The following GPC5 variants were observed in gnomAD, a reference collection of about 807,000 sequenced individuals.
The protein encoded by GPC5 is glypican-5.
In GPC5, 47 loss-of-function variants were observed where a neutral mutation model predicts 53.9. That is an observed-to-expected ratio of 0.87 (90% CI 0.69 to 1.11). GPC5 has a LOEUF of 1.11. Ranked by LOEUF, GPC5 falls within the 50% of genes most tolerant of loss-of-function variation. The pLI is 0.00. For missense variants in GPC5, 748 were observed against 713.1 expected (o/e 1.05, Z -0.56); for synonymous variants, 286 against 263.3 (o/e 1.09, Z -0.84).
intron 1 of GPC5, among the ~76,000 whole-genome samples, chr13:91,432,203 C>CTGGTG (rs1555306318): frequency 2.9e-5 from 4 of 136,452 alleles, no homozygotes; most frequent in African/African-American, 1.1e-4. Context: ...GCTGCTGCTG[C>CTGGTG]TGTGTGTGTG....
chr13:91,786,048 G>A (rs2037873329), intron 5 of GPC5, among the ~76,000 whole-genome samples: 1 of 152,150 alleles, frequency 6.6e-6, no homozygotes. Flanking sequence ...CCAGGCTGGA[G>A]TGTAGTGGCA....
At chr13:92,311,902 G>C (rs548978794) in intron 7 of GPC5, among the ~76,000 whole-genome samples, 25 of 152,266 alleles carry the variant, frequency 1.6e-4, no homozygotes, top group African/African-American at 5.5e-4. Flanking sequence ...GGTGAGCAAA[G>C]GGTGAGGCAA....
rs777802113 is a variant in GPC5, at chr13:92,144,866, G to A, written c.1438G>A (p.Glu480Lys). 9 of 1,612,044 alleles carry A rather than the reference G, an allele frequency of 5.6e-6. No individual in the cohort carries two copies. In the South Asian group the frequency reaches 9.9e-5, roughly 18 times the overall value. ...QGRSPKPDKWELLQLGSGGGM... is the reference protein window; with the variant it reads ...QGRSPKPDKWKLLQLGSGGGM... ...TAGATCACCCAAACCTGACAAGTGG[G>A]AACTTCTTCAGCTGGGCAGTGGTGG... Residue 480 changes from glutamate to lysine, a missense_variant, in exon 7 of 8, where the codon GAA becomes AAA. Coordinates refer to ENST00000377067, the MANE Select transcript of GPC5 (RefSeq NM_004466.6).
At chr13:91,432,215 GT>G (rs1566390268) in intron 1 of GPC5, among the ~76,000 whole-genome samples, 8 of 127,464 alleles carry the variant, frequency 6.3e-5, no homozygotes, top group African/African-American at 3.1e-4. Flanking sequence ...GTGTGTGTGT[GT>G]GTGTGTGTGT....
chr13:91,500,328 C>T (rs1007600535), intron 2 of GPC5, among the ~76,000 whole-genome samples: 1 of 152,198 alleles, frequency 6.6e-6, no homozygotes, highest in Admixed American at 6.6e-5. Flanking sequence ...AGAGAAGTCT[C>T]TTTTTCCAGG....
intron 7 of GPC5, among the ~76,000 whole-genome samples, chr13:92,256,418 T>C (rs2042726862): frequency 6.6e-6 from 1 of 152,054 alleles, no homozygotes; most frequent in Admixed American, 6.6e-5. Context: ...TCAAAGGAAT[T>C]TGTGTTTTGA....
intron 7 of GPC5, among the ~76,000 whole-genome samples, chr13:92,591,304 G>A (rs1408892358): frequency 5.3e-5 from 8 of 151,974 alleles, no homozygotes; most frequent in South Asian, 2.1e-4. Context: ...GATGTGTGTC[G>A]CTATTAGGGA....
chr13:92,326,375 A>C (rs2139229808), intron 7 of GPC5, among the ~76,000 whole-genome samples: 1 of 152,208 alleles, frequency 6.6e-6, no homozygotes, highest in East Asian at 1.9e-4. Flanking sequence ...GAATTTTAAA[A>C]ATTTATTGAA....
At chr13:92,709,195 C>T (rs1438658689) in intron 7 of GPC5, among the ~76,000 whole-genome samples, 2 of 151,180 alleles carry the variant, frequency 1.3e-5, no homozygotes, top group African/African-American at 4.9e-5. Flanking sequence ...TATAGGTGTG[C>T]GCAACCACGC....
At chr13:92,287,145 G>A (rs74447117) in intron 7 of GPC5, among the ~76,000 whole-genome samples, 3,030 of 152,150 alleles carry the variant, frequency 0.02, 34 homozygotes, top group Non-Finnish European at 0.033. Context: ...GTTTAAGTGT[G>A]TTTTCTTAAT....
intron 6 of GPC5, among the ~76,000 whole-genome samples, chr13:92,075,568 A>T (rs1219771929): frequency 6.6e-6 from 1 of 152,124 alleles, no homozygotes; most frequent in Non-Finnish European, 1.5e-5. Context: ...CTGAATAAAA[A>T]TTTTTCAGTT....
chr13:92,728,588 G>A (rs373827020), intron 7 of GPC5, among the ~76,000 whole-genome samples: 3 of 136,754 alleles, frequency 2.2e-5, no homozygotes, highest in Admixed American at 7.8e-5. Context: ...AGGAAAACGG[G>A]GGTAGGAATT....
At chr13:92,269,480 A>C (rs2042825407) in intron 7 of GPC5, among the ~76,000 whole-genome samples, 1 of 152,004 alleles carries the variant, frequency 6.6e-6, no homozygotes, top group African/African-American at 2.4e-5. Flanking sequence ...ATCTCGGCTC[A>C]CTGCAACCTC....
intron 7 of GPC5, among the ~76,000 whole-genome samples, chr13:92,272,182 C>A (rs1594055420): frequency 6.6e-6 from 1 of 152,138 alleles, no homozygotes; most frequent in African/African-American, 2.4e-5. Flanking sequence ...TGCAATTTGA[C>A]TAGTTGATCC....
chr13:92,265,632 G>A (rs1200626080), intron 7 of GPC5, among the ~76,000 whole-genome samples: 1 of 152,038 alleles, frequency 6.6e-6, no homozygotes, highest in Non-Finnish European at 1.5e-5. Context: ...ATCCCCATTA[G>A]TGCCTCATTC....
At chr13:92,597,540 G>A (rs888718477) in intron 7 of GPC5, among the ~76,000 whole-genome samples, 1 of 152,094 alleles carries the variant, frequency 6.6e-6, no homozygotes, top group African/African-American at 2.4e-5. Flanking sequence ...TCTGGGTGGT[G>A]CGTGGAGGAA....
chr13:92,121,626 A>AT (rs952341342), intron 6 of GPC5, among the ~76,000 whole-genome samples: 1 of 152,106 alleles, frequency 6.6e-6, no homozygotes, highest in South Asian at 2.1e-4. Flanking sequence ...ATCCATGGTG[A>AT]TTTTTGGAAA....
At chr13:92,575,063 G>C (rs1468089332) in intron 7 of GPC5, among the ~76,000 whole-genome samples, 1 of 152,170 alleles carries the variant, frequency 6.6e-6, no homozygotes, top group African/African-American at 2.4e-5. Context: ...CTTGGCAATA[G>C]TTTCCATCTT....
In GPC5 at chr13:91,705,004, C is replaced by CAGTT. The variant is rs1302677804; in HGVS notation, c.1020+11124_1020+11127dup. On this transcript the variant is annotated intron_variant, in intron 3 of 7. Coordinates refer to ENST00000377067, the MANE Select transcript of GPC5 (RefSeq NM_004466.6). Reference sequence around the variant, plus strand: ...GATGATCAGAGAAGACTCCAGCTGTCAGTTCCCTTCTTGGTCTTGTGTCTG... The same window carrying CAGTT: ...GATGATCAGAGAAGACTCCAGCTGTCAGTTAGTTCCCTTCTTGGTCTTGTGTCTG... 2.0e-5 allele frequency among the ~76,000 whole-genome samples: 3 copies of CAGTT among 152,328 alleles called. No homozygotes were observed. In the South Asian group the frequency reaches 6.2e-4, roughly 32 times the overall value.
Sources: allele counts gnomAD v4.1 joint callset (sites outside exome capture counted in the v4.1 genomes callset), GRCh38; gene constraint gnomAD v4.1.1; transcripts MANE v1.5; gene names NCBI Gene and HGNC (gene_info 2026-07-23, HGNC 2026-07-21).